The following CFAP20DC variants were observed in gnomAD, a reference collection of about 807,000 sequenced individuals.
CFAP20DC encodes protein CFAP20DC.
A neutral mutation model predicts 101.7 loss-of-function variants in CFAP20DC; 84 were observed. The observed-to-expected ratio is 0.83, with a 90% CI of 0.69 to 0.99. CFAP20DC has a LOEUF of 0.99. Ranked by LOEUF, CFAP20DC falls within the 50% of genes least tolerant of loss-of-function variation. The pLI is 0.00. For missense variants in CFAP20DC, 1,007 were observed against 970.3 expected (o/e 1.04, Z -0.50); for synonymous variants, 359 against 351.2 (o/e 1.02, Z -0.25).
intron 16 of CFAP20DC, among the ~76,000 whole-genome samples, chr3:58,750,300 T>C (rs1161182569): frequency 6.6e-6 from 1 of 152,168 alleles, no homozygotes; most frequent in Non-Finnish European, 1.5e-5. Flanking sequence ...TTCCTCCAGC[T>C]GCAGAAATGC....
intron 13 of CFAP20DC, among the ~76,000 whole-genome samples, chr3:58,848,418 T>C (rs1385042546): frequency 2.0e-5 from 3 of 152,180 alleles, no homozygotes; most frequent in African/African-American, 7.2e-5. Flanking sequence ...ATGTCATTTG[T>C]TATGCATAGC....
chr3:58,908,392 T>G (rs1295283375), intron 6 of CFAP20DC, among the ~76,000 whole-genome samples: 1 of 152,194 alleles, frequency 6.6e-6, no homozygotes, highest in Non-Finnish European at 1.5e-5. Context: ...TGATTTTTCA[T>G]AATTTTTGGA....
At chr3:58,827,968 G>A (rs967828157) in intron 14 of CFAP20DC, among the ~76,000 whole-genome samples, 3 of 152,186 alleles carry the variant, frequency 2.0e-5, no homozygotes, top group Admixed American at 2.0e-4. Context: ...CCTTCACAAC[G>A]AGGCCTGGAG....
rs1452862886 is a variant in CFAP20DC, at chr3:58,721,570, C to T, written c.198-3942G>A. ...AGGGAGCAAGTCGTAGCACCCAAGA[C>T]CCCAGGGTAGGAGAGCCCAGGGGAA... On this transcript the variant is annotated intron_variant, in intron 3 of 3. Coordinates refer to the CFAP20DC transcript ENST00000486145. The surrounding 1 kb of genome is among the most constrained non-coding windows in gnomAD (Gnocchi z 5.2). Among the ~76,000 whole-genome samples the T allele has an allele frequency of 6.6e-6, 1 of 152,114 alleles. No individual in the cohort carries two copies. The highest frequency in any genetic ancestry group is 6.5e-5 in the Admixed American group (1 of 15,284).
rs2106901799 is a variant in CFAP20DC, at chr3:58,894,302, T to C, written c.551-9593A>G. On this transcript the variant is annotated intron_variant, in intron 6 of 16. Transcript: ENST00000482387. This position sits in a 1 kb window ranked among gnomAD's most constrained non-coding sequence, Gnocchi z 4.1. ...AAAGTCTCTTCTGAGACAAGGCAAGTCCCTTCTGCCTATGAGCCTGTAAAA... is the reference window on the plus strand; with the variant it reads ...AAAGTCTCTTCTGAGACAAGGCAAGCCCCTTCTGCCTATGAGCCTGTAAAA... 6.6e-6 allele frequency among the ~76,000 whole-genome samples: 1 copy of C among 152,322 alleles called. No homozygotes were observed. Among genetic ancestry groups the C allele is most frequent in the Admixed American group, 6.5e-5 (1 of 15,304 alleles).
chr3:58,826,819 G>A (rs2076070972), intron 14 of CFAP20DC, among the ~76,000 whole-genome samples: 1 of 152,148 alleles, frequency 6.6e-6, no homozygotes, highest in Non-Finnish European at 1.5e-5. Flanking sequence ...AACAGTGGTT[G>A]GCTAATGTCA....
chr3:58,716,452 C>T (rs184538624), downstream of CFAP20DC, among the ~76,000 whole-genome samples: 6 of 152,074 alleles, frequency 3.9e-5, no homozygotes, highest in African/African-American at 7.2e-5. Flanking sequence ...CATGAGCCAC[C>T]GCGCCCGGCC....
At chr3:58,774,227 AC>A (rs1393704736) in intron 15 of CFAP20DC, among the ~76,000 whole-genome samples, 1 of 152,184 alleles carries the variant, frequency 6.6e-6, no homozygotes, top group Non-Finnish European at 1.5e-5. Flanking sequence ...AATTTAATCA[AC>A]ATGCAAAGAA....
chr3:58,852,695 C>G (rs1042865857), intron 12 of CFAP20DC, among the ~76,000 whole-genome samples: 1 of 150,478 alleles, frequency 6.6e-6, no homozygotes, highest in South Asian at 2.1e-4. Context: ...CAAAACCGCT[C>G]AACTACATGG....
At chr3:58,986,692 A>C (rs1267967677) in intron 4 of CFAP20DC, among the ~76,000 whole-genome samples, 1 of 152,160 alleles carries the variant, frequency 6.6e-6, no homozygotes, top group East Asian at 1.9e-4. Context: ...AAGCTGAGAA[A>C]GACATTTAAA....
chr3:58,751,454 G>C (rs553384494), intron 16 of CFAP20DC, among the ~76,000 whole-genome samples: 8 of 152,220 alleles, frequency 5.3e-5, no homozygotes, highest in African/African-American at 1.9e-4. Context: ...CCTTGCCTTA[G>C]ATCTGGTCAA....
intron 4 of CFAP20DC, among the ~76,000 whole-genome samples, chr3:58,976,800 T>A (rs1032372808): frequency 1.3e-5 from 2 of 152,096 alleles, no homozygotes; most frequent in African/African-American, 4.8e-5. Context: ...CAGGTCTACA[T>A]GGCCCAGCTG....
chr3:58,924,368 G>A (rs1273551), intron 5 of CFAP20DC, among the ~76,000 whole-genome samples: 42,881 of 151,862 alleles, frequency 0.28, 7,552 homozygotes, highest in East Asian at 0.56. Flanking sequence ...TTAGGATAAT[G>A]GCCTTCAGTT....
rs2108508830 is a variant in CFAP20DC, at chr3:58,868,411, T to C, written c.1016-475A>G. 6.6e-6 allele frequency among the ~76,000 whole-genome samples: 1 copy of C among 152,288 alleles called. No homozygotes were observed. The highest frequency in any genetic ancestry group is 2.4e-5 in the African/African-American group (1 of 41,568). On this transcript the variant is annotated intron_variant, in intron 9 of 16. Coordinates refer to ENST00000482387, the MANE Select transcript of CFAP20DC (RefSeq NM_001394063.1). The surrounding 1 kb of genome is among the most constrained non-coding windows in gnomAD (Gnocchi z 4.6). Reference sequence around the variant, plus strand: ...TTTAATTTAGCAATAATAATAATCATAGCAGCATTTAACATTTCCTGAATG... The same window carrying C: ...TTTAATTTAGCAATAATAATAATCACAGCAGCATTTAACATTTCCTGAATG...
At chr3:58,953,775 C>T (rs2090371501) in intron 4 of CFAP20DC, 3 of 152,170 alleles carry the variant, frequency 2.0e-5, no homozygotes, top group African/African-American at 7.2e-5. Context: ...AACAGCTCTT[C>T]ACTTGTAATA....
At position 58,799,721 on chromosome 3, in the gene CFAP20DC, CTGTGTGTGTGTCTGTG is replaced by C. The variant is rs896476347; in HGVS notation, c.2237+6658_2237+6673del. Among the ~76,000 whole-genome samples the C allele has an allele frequency of 3.7e-5, 5 of 134,556 alleles. No individual in the cohort carries two copies. Among genetic ancestry groups the C allele is most frequent in the African/African-American group, 6.1e-5 (2 of 32,998 alleles). 88.3% of individuals were successfully genotyped at this position (134,556 alleles called of 152,430 possible). A position where few individuals can be genotyped will look rare whatever the true frequency, so the allele number is the denominator to read the frequency against. On this transcript the variant is annotated intron_variant, in intron 15 of 16. Transcript: ENST00000482387. The surrounding 1 kb of genome is among the most constrained non-coding windows in gnomAD (Gnocchi z 4.9). ...TCGAGAAGGAGCAGTGTGTGTGTGT[CTGTGTGTGTGTCTGTG>C]TGTGTGTGTGTGTGTGTGTGTGTGT...
At chr3:58,753,278 G>A (rs923657736) in intron 16 of CFAP20DC, among the ~76,000 whole-genome samples, 3 of 152,170 alleles carry the variant, frequency 2.0e-5, no homozygotes, top group African/African-American at 4.8e-5. Flanking sequence ...ACAGGTATCT[G>A]AGTGATGTTG....
chr3:58,967,882 C>T (rs922368188), intron 4 of CFAP20DC, among the ~76,000 whole-genome samples: 1 of 152,100 alleles, frequency 6.6e-6, no homozygotes, highest in African/African-American at 2.4e-5. Context: ...CTCAAGTAGA[C>T]CCCAGTGTCT....
chr3:58,831,740 G>T lies in CFAP20DC; in HGVS notation c.2121C>A (p.Val707=). The change falls in exon 14 of 17, where the codon GTC becomes GTA. Residue 707 remains valine (V), a synonymous_variant. Transcript: ENST00000482387. ...TGTCGTCACTGCTGGTACTTATGCT[G>T]ACATTACAGTTGTCCACCTGGGAGG... ...LSASQVDNCN[V]SISTSSDDTT... 1 of 1,614,058 alleles carries T rather than the reference G, an allele frequency of 6.2e-7. No individual in the cohort carries two copies.
Sources: allele counts gnomAD v4.1 joint callset (sites outside exome capture counted in the v4.1 genomes callset), GRCh38; gene constraint gnomAD v4.1.1; non-coding constraint Gnocchi (gnomAD v3.1); transcripts MANE v1.5; gene names NCBI Gene and HGNC (gene_info 2026-07-23, HGNC 2026-07-21).